KCNH8: variants seen among roughly 807,000 people sequenced by gnomAD.
KCNH8 encodes potassium voltage-gated channel subfamily H member 8.
KCNH8 carries 70 observed loss-of-function variants against 103.6 expected under a neutral mutation model. The observed-to-expected ratio is 0.68, with a 90% CI of 0.56 to 0.82. KCNH8 has a LOEUF of 0.82. KCNH8 is among the 40% of genes least tolerant of loss of function. The pLI is 0.00. For synonymous variants in KCNH8, 498 were observed against 489.4 expected (o/e 1.02, Z -0.23); for missense variants, 1,217 against 1,329.9 (o/e 0.92, Z 1.32).
At chr3:19,440,329 T>A (rs1051658977) in intron 8 of KCNH8, among the ~76,000 whole-genome samples, 2 of 152,182 alleles carry the variant, frequency 1.3e-5, no homozygotes, top group African/African-American at 4.8e-5. Context: ...TGTATTCAAA[T>A]ATTGTATTAG....
Position 19,456,809 on chromosome 3 carries a change from C to A in KCNH8, c.1867C>A (p.Gln623Lys). 6.2e-7 allele frequency: 1 copy of A among 1,611,282 alleles called. No individual in the cohort carries two copies. Among genetic ancestry groups the A allele is most frequent in the Non-Finnish European group, 8.5e-7 (1 of 1,178,196 alleles). Reference protein sequence around the residue: ...LIGANLSIKDQVIKTNADVKA... With the variant: ...LIGANLSIKDKVIKTNADVKA... ...TGGAGCAAATCTATCAATTAAGGAC[C>A]AAGTGATCAAGACCAATGCAGATGT... is the stretch of plus-strand genomic sequence containing the variant. Residue 623 changes from glutamine to lysine, a missense_variant, in exon 11 of 16, where the codon CAA (glutamine) becomes AAA (lysine). Gln to Lys is a moderately conservative substitution (Grantham distance 53). Around this residue, in one of 3 missense-constraint regions of KCNH8, gnomAD observed 415 missense variants for 577.4 expected, o/e 0.72. Transcript: ENST00000328405.
chr3:19,206,159 G>GGT (rs546354220), intron 1 of KCNH8, among the ~76,000 whole-genome samples: 61 of 138,402 alleles, frequency 4.4e-4, no homozygotes, highest in Middle Eastern at 3.7e-3. Context: ...ATATATTAAT[G>GGT]GTGTGTGTGT....
chr3:19,434,462 G>GAGT (rs1052562784), intron 7 of KCNH8, among the ~76,000 whole-genome samples: 122 of 152,324 alleles, frequency 8.0e-4, no homozygotes, highest in African/African-American at 2.9e-3. Flanking sequence ...TTCTGCAGCT[G>GAGT]AGTAGTCCCA....
At chr3:19,203,846 T>C (rs1472236183) in intron 1 of KCNH8, among the ~76,000 whole-genome samples, 1 of 152,092 alleles carries the variant, frequency 6.6e-6, no homozygotes, top group African/African-American at 2.4e-5. Flanking sequence ...ACATCTTTGA[T>C]AAAATCAATG....
intron 1 of KCNH8, among the ~76,000 whole-genome samples, chr3:19,189,642 C>A (rs1357776642): frequency 6.6e-6 from 1 of 151,722 alleles, no homozygotes; most frequent in Non-Finnish European, 1.5e-5. Context: ...TTTAGCATAC[C>A]AAATCTGACC....
chr3:19,157,560 C>T (rs1326254333), intron 1 of KCNH8, among the ~76,000 whole-genome samples: 2 of 151,932 alleles, frequency 1.3e-5, no homozygotes, highest in African/African-American at 4.8e-5. Flanking sequence ...TCTGGCAAGT[C>T]AAAAGTTATA....
rs2066653327 is a variant in KCNH8, at chr3:19,403,870, T to C, written c.1177+8559T>C. Among the ~76,000 whole-genome samples the C allele has an allele frequency of 4.0e-5, 6 of 151,860 alleles. No individual in the cohort carries two copies. In the South Asian group the frequency reaches 1.2e-3, roughly 31 times the overall value. Reference sequence around the variant, plus strand: ...GCAATTTTCATTATCTGGACTTTGTTAAAGCACCTAGTATATATTTTATTG... The same window carrying C: ...GCAATTTTCATTATCTGGACTTTGTCAAAGCACCTAGTATATATTTTATTG... On this transcript the variant is annotated intron_variant, in intron 7 of 15. Coordinates refer to ENST00000328405, the MANE Select transcript of KCNH8 (RefSeq NM_144633.3).
chr3:19,471,652 C>CAAT (rs2067858435), intron 11 of KCNH8, among the ~76,000 whole-genome samples: 1 of 152,132 alleles, frequency 6.6e-6, no homozygotes, highest in African/African-American at 2.4e-5. Context: ...GATAAGGAGA[C>CAAT]TAATTAAGGA....
rs2063646098 is a variant in KCNH8 at position 19,200,422 on chromosome 3, T to C, written c.76+51627T>C. On this transcript the variant is annotated intron_variant, in intron 1 of 15. Coordinates refer to ENST00000328405, the MANE Select transcript of KCNH8 (RefSeq NM_144633.3). ...TTTATATTCTAAAACAAAATTGGCA[T>C]GTCTTCAAAATTTACTGAAAGCCCT... Among the ~76,000 whole-genome samples, 7 of 151,994 alleles carry C rather than the reference T, an allele frequency of 4.6e-5. 1 individual carries two copies. The highest frequency in any genetic ancestry group is 4.6e-4 in the Admixed American group (7 of 15,246).
chr3:19,254,676 C>G (rs2064324720), intron 2 of KCNH8, among the ~76,000 whole-genome samples: 5 of 152,046 alleles, frequency 3.3e-5, no homozygotes, highest in Admixed American at 3.3e-4. Flanking sequence ...AAAATTAGAA[C>G]AAACTATTAT....
At chr3:19,409,358 C>A (rs2066740601) in intron 7 of KCNH8, among the ~76,000 whole-genome samples, 1 of 151,864 alleles carries the variant, frequency 6.6e-6, no homozygotes, top group Non-Finnish European at 1.5e-5. Context: ...ACAAGAGATT[C>A]TTAAGGGAGT....
chr3:19,267,772 C>CA (rs1315532970), intron 2 of KCNH8, among the ~76,000 whole-genome samples: 1 of 152,152 alleles, frequency 6.6e-6, no homozygotes, highest in Non-Finnish European at 1.5e-5. Flanking sequence ...TATTGACTCT[C>CA]AGAGTCTACA....
At chr3:19,250,677 A>G (rs2064265205) in intron 1 of KCNH8, among the ~76,000 whole-genome samples, 1 of 152,188 alleles carries the variant, frequency 6.6e-6, no homozygotes, top group South Asian at 2.1e-4. Flanking sequence ...TCTTATTCCA[A>G]CCTAACCATT....
chr3:19,400,751 G>C (rs2066600563), intron 7 of KCNH8, among the ~76,000 whole-genome samples: 2 of 151,834 alleles, frequency 1.3e-5, no homozygotes, highest in South Asian at 4.2e-4. Context: ...CCTCATAAAT[G>C]CTGATTGATT....
At chr3:19,224,386 C>T (rs2063906899) in intron 1 of KCNH8, among the ~76,000 whole-genome samples, 1 of 151,906 alleles carries the variant, frequency 6.6e-6, no homozygotes, top group Non-Finnish European at 1.5e-5. Context: ...AATTTGTTTA[C>T]CTAAACCATA....
intron 2 of KCNH8, among the ~76,000 whole-genome samples, chr3:19,269,900 C>T (rs1423648809): frequency 1.3e-5 from 2 of 152,088 alleles, no homozygotes; most frequent in Non-Finnish European, 2.9e-5. Flanking sequence ...ACAGTGTTGT[C>T]TGATTGGATG....
intron 7 of KCNH8, among the ~76,000 whole-genome samples, chr3:19,399,296 G>C (rs1472839605): frequency 1.3e-5 from 2 of 151,872 alleles, no homozygotes. Flanking sequence ...TTGTTTACAA[G>C]AGGACGTCAA....
At chr3:19,481,066 ATG>A (rs1338868406) in intron 11 of KCNH8, among the ~76,000 whole-genome samples, 1 of 152,102 alleles carries the variant, frequency 6.6e-6, no homozygotes. Flanking sequence ...TTTCTTTCCC[ATG>A]TTTGGCTTCT....
intron 1 of KCNH8, among the ~76,000 whole-genome samples, chr3:19,205,661 G>A (rs1208805899): frequency 6.6e-6 from 1 of 151,778 alleles, no homozygotes; most frequent in Non-Finnish European, 1.5e-5. Flanking sequence ...GGGGTGGTGG[G>A]GAGCAGTAAT....
Sources: gnomAD v4.1 joint callset for allele counts (sites outside exome capture counted in the v4.1 genomes callset) on GRCh38, gnomAD v4.1.1 for gene constraint, gnomAD v4.1.1 regional missense constraint, MANE v1.5 for transcripts, NCBI Gene and HGNC (gene_info 2026-07-23, HGNC 2026-07-21) for gene names.